DLC1: variants seen among roughly 807,000 people sequenced by gnomAD.
DLC1 encodes rho GTPase-activating protein 7.
A neutral mutation model predicts 140.3 loss-of-function variants in DLC1; 54 were observed. The observed-to-expected ratio is 0.38, with a 90% CI of 0.31 to 0.48. The LOEUF (loss-of-function observed/expected upper bound fraction) is 0.48, where lower values mean the gene tolerates loss of function less well. DLC1 is among the 20% of genes least tolerant of loss of function. DLC1 has a pLI of 0.96. For synonymous variants in DLC1, 986 were observed against 728.1 expected, an observed-to-expected ratio of 1.35 and a Z score of -5.70; for missense variants, 2,536 against 1,907.0, an observed-to-expected ratio of 1.33 and a Z score of -6.14.
upstream of DLC1, chr8:13,515,627 T>A (rs1196151545): frequency 6.6e-6 from 1 of 152,218 alleles, no homozygotes; most frequent in African/African-American, 2.4e-5. Context: ...TCTGCATCCT[T>A]CGTCCGTCAC....
intron 5 of DLC1, among the ~76,000 whole-genome samples, chr8:13,304,206 A>G (rs1287451656): frequency 6.6e-6 from 1 of 152,232 alleles, no homozygotes; most frequent in Non-Finnish European, 1.5e-5. Flanking sequence ...GGCCAAAACC[A>G]CAATTACTTT....
At chr8:13,570,294 CTT>C (rs112007896) in intron 1 of DLC1, among the ~76,000 whole-genome samples, 262 of 121,852 alleles carry the variant, frequency 2.2e-3, no homozygotes, top group African/African-American at 5.8e-3. Context: ...TAAATTCTCT[CTT>C]TTTTTTTTTT....
At chr8:13,198,821 A>T (rs1827214651) in intron 5 of DLC1, among the ~76,000 whole-genome samples, 1 of 151,284 alleles carries the variant, frequency 6.6e-6, no homozygotes, top group Non-Finnish European at 1.5e-5. Flanking sequence ...GGTTCAAGCG[A>T]TTCTCCTGCC....
chr8:13,134,400 C>T (rs1822397047), intron 5 of DLC1, among the ~76,000 whole-genome samples: 1 of 152,046 alleles, frequency 6.6e-6, no homozygotes, highest in Admixed American at 6.6e-5. Context: ...GACAAATATC[C>T]CTTCCCTCCT....
At chr8:13,395,505 C>A (rs961234112) in intron 3 of DLC1, among the ~76,000 whole-genome samples, 1 of 152,096 alleles carries the variant, frequency 6.6e-6, no homozygotes, top group Non-Finnish European at 1.5e-5. Context: ...ACTGATGTGT[C>A]CCCAGGTGTT....
chr8:13,481,894 A>G (rs1356375203), intron 2 of DLC1, among the ~76,000 whole-genome samples: 1 of 152,194 alleles, frequency 6.6e-6, no homozygotes. Flanking sequence ...ACACACACGA[A>G]GAAGCCCATG....
At chr8:13,133,716 C>T (rs1008655449) in intron 5 of DLC1, among the ~76,000 whole-genome samples, 22 of 151,910 alleles carry the variant, frequency 1.4e-4, no homozygotes, top group African/African-American at 5.3e-4. Flanking sequence ...CCCTAGTGTG[C>T]CTTGAGCGTC....
At chr8:13,440,577 G>GTAACATAGGAATATT in intron 2 of DLC1, among the ~76,000 whole-genome samples, 1 of 150,570 alleles carries the variant, frequency 6.6e-6, no homozygotes, top group Admixed American at 6.6e-5. Flanking sequence ...CTCTTTCTAT[G>GTAACATAGGAATATT]TAACATAGGA....
intron 5 of DLC1, among the ~76,000 whole-genome samples, chr8:13,198,150 A>C (rs1827174168): frequency 6.6e-6 from 1 of 152,204 alleles, no homozygotes; most frequent in Non-Finnish European, 1.5e-5. Context: ...AATCTCTTGG[A>C]AGCTAAGTTC....
chr8:13,419,987 T>C (rs10109013), intron 2 of DLC1, among the ~76,000 whole-genome samples: 14,852 of 152,224 alleles, frequency 0.098, 867 homozygotes, highest in African/African-American at 0.15. Context: ...CTAGATTTTC[T>C]AGTTTATTTG....
chr8:13,488,555 T>G (rs1801079604), intron 2 of DLC1, among the ~76,000 whole-genome samples: 1 of 152,172 alleles, frequency 6.6e-6, no homozygotes, highest in Non-Finnish European at 1.5e-5. Context: ...TTCCCTCATT[T>G]ATTCCCACAA....
intron 5 of DLC1, among the ~76,000 whole-genome samples, chr8:13,218,960 A>C (rs1310559497): frequency 8.3e-6 from 1 of 119,768 alleles, no homozygotes; most frequent in African/African-American, 3.3e-5. Flanking sequence ...TTATATACGT[A>C]TATAATTATA....
intron 5 of DLC1, among the ~76,000 whole-genome samples, chr8:13,275,994 C>T (rs1485286571): frequency 6.6e-6 from 1 of 152,172 alleles, no homozygotes; most frequent in Non-Finnish European, 1.5e-5. Flanking sequence ...GGTTAAAAAA[C>T]CCCACAACTC....
At chr8:13,582,946 C>T (rs964822763) in intron 1 of DLC1, among the ~76,000 whole-genome samples, 22 of 131,108 alleles carry the variant, frequency 1.7e-4, no homozygotes, top group Admixed American at 4.3e-4. Context: ...ATGTCTAAAA[C>T]GGTACATACC....
chr8:13,399,209 A>C (rs1171937414), intron 3 of DLC1, among the ~76,000 whole-genome samples: 1 of 152,208 alleles, frequency 6.6e-6, no homozygotes, highest in Non-Finnish European at 1.5e-5. Context: ...TGTCATTATT[A>C]GGAAGAACAT....
intron 5 of DLC1, among the ~76,000 whole-genome samples, chr8:13,183,492 C>A (rs1321539672): frequency 6.6e-6 from 1 of 152,144 alleles, no homozygotes; most frequent in Non-Finnish European, 1.5e-5. Context: ...TATGTTCCAT[C>A]AATACCTAGT....
rs1318469668 is a variant in DLC1 at position 13,110,826 on chromosome 8, A to G, written c.1421-3T>C. 1.2e-6 allele frequency: 2 copies of G among 1,613,870 alleles called. No homozygotes were observed. Among genetic ancestry groups the G allele is most frequent in the African/African-American group, 1.3e-5 (1 of 75,052 alleles). ...AATATCGATGGGGAACAGGAAATCTATGAGAAAAATAAACAGATGTATTTG... is the reference window on the plus strand; with the variant it reads ...AATATCGATGGGGAACAGGAAATCTGTGAGAAAAATAAACAGATGTATTTG... On this transcript the variant is annotated splice_region_variant and splice_polypyrimidine_tract_variant and intron_variant, in intron 6 of 17. Coordinates refer to ENST00000276297, the MANE Select transcript of DLC1 (RefSeq NM_182643.3).
At chr8:13,591,523 C>A (rs1003523647) in intron 1 of DLC1, among the ~76,000 whole-genome samples, 2 of 152,100 alleles carry the variant, frequency 1.3e-5, no homozygotes, top group African/African-American at 4.8e-5. Context: ...CCTAGCCATG[C>A]AGAACCGTGA....
intron 5 of DLC1, among the ~76,000 whole-genome samples, chr8:13,202,980 C>G (rs1188579685): frequency 6.6e-6 from 1 of 152,170 alleles, no homozygotes; most frequent in Non-Finnish European, 1.5e-5. Context: ...CCCCTTGTAA[C>G]ACATCTTATT....
Sources: allele counts gnomAD v4.1 joint callset (sites outside exome capture counted in the v4.1 genomes callset), GRCh38; gene constraint gnomAD v4.1.1; transcripts MANE v1.5; gene names NCBI Gene and HGNC (gene_info 2026-07-23, HGNC 2026-07-21).